Variants in GTPBP3 observed in about 807,000 individuals in gnomAD.
GTPBP3 encodes the protein GTP binding protein 3, mitochondrial, also known as 5-taurinomethyluridine-[tRNA] synthase subunit GTPB3, mitochondrial.
Under a neutral mutation model 42.0 loss-of-function variants are expected in GTPBP3, and 35 were observed. The ratio of observed to expected loss-of-function variants is 0.83; its 90% confidence interval spans 0.64 to 1.10. The LOEUF is 1.10. Among genes scored for constraint, GTPBP3 ranks in the 50% least tolerant of loss-of-function variants. The pLI, the probability that GTPBP3 is intolerant of heterozygous loss-of-function variation, is 0.00. For synonymous variants in GTPBP3, 332 were observed against 314.9 expected (o/e 1.05, Z -0.58); for missense variants, 691 against 685.2 (o/e 1.01, Z -0.09).
chr19:17,335,028 C>A, upstream of GTPBP3: 1 of 1,536,186 alleles, frequency 6.5e-7, no homozygotes. Context: ...AACTTGTCCC[C>A]ACCCATGCTT....
At chr19:17,337,914 A>G in intron 1 of GTPBP3, 94 bp from the exon 2 acceptor site, 1 of 1,451,394 alleles carries the variant, frequency 6.9e-7, no homozygotes, top group Non-Finnish European at 9.3e-7. Context: ...GAACCCCCCC[A>G]CCTGGAGCAT....
At chr19:17,335,030 C>T, upstream of GTPBP3, 1 of 1,536,136 alleles carries the variant, frequency 6.5e-7, no homozygotes, top group South Asian at 1.2e-5. Context: ...CTTGTCCCCA[C>T]CCATGCTTTC....
upstream of GTPBP3, chr19:17,337,160 G>A (rs1599556226): frequency 1.3e-5 from 2 of 158,020 alleles, no homozygotes; most frequent in South Asian, 4.1e-4. Context: ...GTAAAGAGGT[G>A]TAGTCCCTCC....
In GTPBP3 at chr19:17,341,420, C is replaced by T. The variant is rs150043604; in HGVS notation, c.1254-58C>T. 5.7e-3 allele frequency: 8,980 copies of T among 1,568,460 alleles called. 71 individuals are homozygous for T. In the Middle Eastern group the frequency reaches 0.07, roughly 12 times the overall value. Reference sequence around the variant, plus strand: ...ACCTACAAAATGGGTACAACCATTTCCCCTTCAAGGGATGGTTGTAAAAGG... The same window carrying T: ...ACCTACAAAATGGGTACAACCATTTTCCCTTCAAGGGATGGTTGTAAAAGG... On this transcript the variant is annotated intron_variant, in intron 8 of 8. Transcript: ENST00000324894.
Position 17,337,577 on chromosome 19 carries a change from G to C in GTPBP3, c.-35G>C. ...CCTGCCCAGACTTGAAGCCACACAG[G>C]CAGGTCGGGCAGGCGGGTCGCAGGT... On this transcript the variant is annotated 5_prime_UTR_variant, in exon 1 of 9. Transcript: ENST00000324894. 1 of 1,317,596 alleles carries C rather than the reference G, an allele frequency of 7.6e-7. No homozygotes were observed. Among genetic ancestry groups the C allele is most frequent in the Non-Finnish European group, 9.7e-7 (1 of 1,027,702 alleles). 81.6% of individuals were successfully genotyped at this position (1,317,596 alleles called of 1,614,324 possible).
rs1291768857 is a variant in GTPBP3 at position 17,342,041 on chromosome 19, GT to G, written c.*341del. The G allele has an allele frequency of 8.7e-6, 2 of 229,990 alleles. No individual in the cohort carries two copies. The highest frequency in any genetic ancestry group is 4.5e-5 in the African/African-American group (2 of 44,352). The allele number at this position is 229,990 out of a possible 1,614,324, so 14.2% of individuals were successfully genotyped here. On this transcript the variant is annotated 3_prime_UTR_variant, in exon 9 of 9. Transcript: ENST00000324894. ...AAAAAAACTCAGGTGATCTAGAAGT[GT>G]TTATTTTCTTCCCTTCCCTTCCCTT...
rs1162697698 is a variant in GTPBP3 at position 17,341,254 on chromosome 19, G to C, written c.1185G>C (p.Leu395=). Residue 395 remains leucine (L), a synonymous_variant, in exon 8 of 9, where the codon CTG becomes CTC. Transcript: ENST00000324894. ...GTCCTGACCTGCCCCCGCACCTGCTGCTGTCCTGTCTGACGGGAGAGGGGC... is the reference window on the plus strand; with the variant it reads ...GTCCTGACCTGCCCCCGCACCTGCTCCTGTCCTGTCTGACGGGAGAGGGGC... ...GPGPDLPPHL[L]LSCLTGEGLD... is the part of the protein sequence containing the mutation. 2.4e-5 allele frequency: 39 copies of C among 1,606,646 alleles called. No homozygotes were observed. The highest frequency in any genetic ancestry group is 3.2e-5 in the Non-Finnish European group (38 of 1,179,968).
upstream of GTPBP3, among the ~76,000 whole-genome samples, chr19:17,336,262 G>A (rs1358519682): frequency 1.8e-3 from 108 of 58,384 alleles, no homozygotes; most frequent in South Asian, 2.0e-3. Flanking sequence ...AAAAAAAAAA[G>A]CTTGGGCAAC....
Position 17,338,649 on chromosome 19 carries a change from G to A in GTPBP3, c.499G>A (p.Ala167Thr). 1 of 1,613,932 alleles carries A rather than the reference G, an allele frequency of 6.2e-7. No individual in the cohort carries two copies. Among genetic ancestry groups the A allele is most frequent in the Non-Finnish European group, 8.5e-7 (1 of 1,179,948 alleles). ...GGAGGGGCTGGCGGACCTTATCCAC[G>A]CGGAAACAGAGGCGCAGCGGCGGCA... Reference protein sequence around the residue: ...EVEGLADLIHAETEAQRRQAL... With the variant: ...EVEGLADLIHTETEAQRRQAL... The change falls in exon 4 of 9, where the codon GCG becomes ACG. Residue 167 changes from alanine to threonine, a missense_variant. Transcript: ENST00000324894.
At chr19:17,340,945 C>T (rs932295710) in intron 7 of GTPBP3, 99 bp from the exon 8 acceptor site, 3 of 1,370,036 alleles carry the variant, frequency 2.2e-6, no homozygotes, top group Non-Finnish European at 3.0e-6. Context: ...CGCTTCGCAG[C>T]TCCCCCAGTG....
intron 1 of GTPBP3, 64 bp from the exon 2 acceptor site, chr19:17,337,944 C>T (rs775726737): frequency 1.9e-6 from 3 of 1,562,160 alleles, no homozygotes; most frequent in East Asian, 2.3e-5. Context: ...ATCGAGCCCT[C>T]GGTCTACTTG....
rs1161434848 is a variant in GTPBP3 at position 17,338,706 on chromosome 19, C to T, written c.556C>T (p.His186Tyr). The change falls in exon 4 of 9, where the codon CAC becomes TAC. Residue 186 changes from histidine to tyrosine, a missense_variant. By Grantham distance (83) the His-to-Tyr change is moderately conservative. Transcript: ENST00000324894. ...CAGGCAGCTGGACGGAGAGCTGGGCCACCTCTGCCGTGGCTGGGCCGAGAC... is the reference window on the plus strand; with the variant it reads ...CAGGCAGCTGGACGGAGAGCTGGGCTACCTCTGCCGTGGCTGGGCCGAGAC... ...ALRQLDGELGHLCRGWAETLT... is the reference protein window; with the variant it reads ...ALRQLDGELGYLCRGWAETLT... The T allele has an allele frequency of 1.2e-6, 2 of 1,612,872 alleles. No individual in the cohort carries two copies. Among genetic ancestry groups the T allele is most frequent in the Admixed American group, 1.7e-5 (1 of 59,940 alleles).
intron 7 of GTPBP3, among the ~76,000 whole-genome samples, chr19:17,340,158 C>T (rs1248168056): frequency 6.6e-6 from 1 of 151,986 alleles, no homozygotes; most frequent in Non-Finnish European, 1.5e-5. Flanking sequence ...CCTGGGCCTC[C>T]CGAGTAGCTG....
chr19:17,341,207 TC>T lies in GTPBP3; in HGVS notation c.1142del (p.Pro381ArgfsTer19). On this transcript the variant is annotated frameshift_variant, in exon 8 of 9. Coordinates refer to ENST00000324894, the MANE Select transcript of GTPBP3 (RefSeq NM_032620.4). LOFTEE classifies it high-confidence loss of function. ...LLVLNKSDLL[S>X]PEGPGPGPDL... is the part of the protein sequence containing the mutation. ...GGTGCTGAACAAGTCGGACCTGCTGTCCCCGGAGGGCCCAGGTCCCGGTCCT... is the reference window on the plus strand; with the variant it reads ...GGTGCTGAACAAGTCGGACCTGCTGTCCCGGAGGGCCCAGGTCCCGGTCCT... 6.2e-7 allele frequency: 1 copy of T among 1,610,104 alleles called. No individual in the cohort carries two copies. The highest frequency in any genetic ancestry group is 8.5e-7 in the Non-Finnish European group (1 of 1,179,944).
chr19:17,337,725 C>G (rs2074380272), intron 1 of GTPBP3, 61 bp downstream of exon 1: 2 of 1,405,642 alleles, frequency 1.4e-6, no homozygotes, highest in Non-Finnish European at 1.9e-6. Flanking sequence ...CAGACCCACT[C>G]CCTGGGTTTT....
At position 17,339,612 on chromosome 19, in the gene GTPBP3, G is replaced by A. The variant is rs779558240; in HGVS notation, c.974+13G>A. On this transcript the variant is annotated intron_variant, in intron 7 of 8. Coordinates refer to ENST00000324894, the MANE Select transcript of GTPBP3 (RefSeq NM_032620.4). ...GCGCCCGGGAGAGGTGGGCGGACAG[G>A]GTGGTGATGGGAGGGGAACGCGGGG... is the stretch of plus-strand genomic sequence containing the variant. The A allele has an allele frequency of 1.0e-5, 16 of 1,589,638 alleles. No homozygotes were observed. The East Asian group carries it at 3.0e-4, about 30-fold the overall frequency.
rs766123154 is a variant in GTPBP3, at chr19:17,341,603, C to T, written c.1379C>T (p.Ala460Val). The change falls in exon 9 of 9, where the codon GCG becomes GTG. Residue 460 changes from alanine to valine, a missense_variant. Transcript: ENST00000324894. ...QSKDLALAAE[A>V]LRVARGHLTR... ...AAAGACCTGGCCCTGGCGGCAGAGG[C>T]GCTGCGGGTGGCCCGGGGTCACCTG... 3.7e-6 allele frequency: 6 copies of T among 1,613,826 alleles called. No individual in the cohort carries two copies. In the South Asian group the frequency reaches 5.5e-5, roughly 15 times the overall value.
At position 17,341,628 on chromosome 19, in the gene GTPBP3, G is replaced by A; in HGVS notation, c.1404G>A (p.Leu468=). 1 of 1,613,548 alleles carries A rather than the reference G, an allele frequency of 6.2e-7. No homozygotes were observed. Among genetic ancestry groups the A allele is most frequent in the South Asian group, 1.1e-5 (1 of 91,050 alleles). Residue 468 remains leucine (L), a synonymous_variant, in exon 9 of 9, where the codon CTG becomes CTA. Transcript: ENST00000324894. ...CGCTGCGGGTGGCCCGGGGTCACCTGACCCGGCTCACAGGTGGAGGGGGTA... is the reference window on the plus strand; with the variant it reads ...CGCTGCGGGTGGCCCGGGGTCACCTAACCCGGCTCACAGGTGGAGGGGGTA... ...AEALRVARGH[L]TRLTGGGGTE...
intron 7 of GTPBP3, chr19:17,340,800 T>C: frequency 2.5e-6 from 1 of 396,290 alleles, no homozygotes; most frequent in Non-Finnish European, 4.5e-6. Context: ...TCCCGCACCG[T>C]GACCGCTCCT....
Sources: gnomAD v4.1 joint callset for allele counts (sites outside exome capture counted in the v4.1 genomes callset) on GRCh38, gnomAD v4.1.1 for gene constraint, MANE v1.5 for transcripts, NCBI Gene and HGNC (gene_info 2026-07-23, HGNC 2026-07-21) for gene names.